RAB38: variants seen among roughly 807,000 people sequenced by gnomAD.
RAB38 encodes the protein ras-related protein Rab-38.
RAB38 carries 15 observed loss-of-function variants against 18.4 expected under a neutral mutation model. The ratio of observed to expected loss-of-function variants is 0.82; its 90% CI spans 0.55 to 1.26. RAB38 has a LOEUF of 1.26. Among genes scored for constraint, RAB38 ranks in the 50% most tolerant of loss-of-function variants. RAB38 has a pLI of 0.00. For missense variants in RAB38, 294 were observed against 267.4 expected, an observed-to-expected ratio of 1.10 and a Z score of -0.69; for synonymous variants, 101 against 104.4, an observed-to-expected ratio of 0.97 and a Z score of 0.20.
At chr11:88,155,623 A>T (rs190561269) in intron 1 of RAB38, among the ~76,000 whole-genome samples, 1 of 152,234 alleles carries the variant, frequency 6.6e-6, no homozygotes, top group Non-Finnish European at 1.5e-5. Context: ...TCCTGATACT[A>T]TGAAAAATAT....
intron 2 of RAB38, among the ~76,000 whole-genome samples, chr11:88,132,168 CATAAATGTGTG>C (rs1208447161): frequency 3.9e-5 from 6 of 152,184 alleles, no homozygotes; most frequent in Non-Finnish European, 7.3e-5. Flanking sequence ...ACTGTGAAAT[CATAAATGTGTG>C]TTATTCTAAG....
chr11:87,910,398 C>T, the RAB38 span, among the ~76,000 whole-genome samples: 1 of 149,606 alleles, frequency 6.7e-6, no homozygotes, highest in Non-Finnish European at 1.5e-5. Context: ...AATAGTTTTC[C>T]TAGTCTGCCT....
At chr11:88,165,290 T>G (rs939325145) in intron 1 of RAB38, among the ~76,000 whole-genome samples, 1 of 152,112 alleles carries the variant, frequency 6.6e-6, no homozygotes, top group Admixed American at 6.5e-5. Flanking sequence ...CCTGCTACTA[T>G]TGGTAAGACT....
the RAB38 span, among the ~76,000 whole-genome samples, chr11:87,950,016 T>C: frequency 6.6e-6 from 1 of 152,196 alleles, no homozygotes; most frequent in Non-Finnish European, 1.5e-5. Flanking sequence ...TATTAATGTG[T>C]GGGAGTCTAA....
At chr11:88,037,462 C>T in the RAB38 span, among the ~76,000 whole-genome samples, 3 of 151,660 alleles carry the variant, frequency 2.0e-5, no homozygotes, top group Non-Finnish European at 4.4e-5. Flanking sequence ...TAAAGTGTAC[C>T]CATTCTAAGT....
chr11:87,834,361 T>C, the RAB38 span, among the ~76,000 whole-genome samples: 1 of 152,198 alleles, frequency 6.6e-6, no homozygotes, highest in Admixed American at 6.5e-5. Flanking sequence ...GACTCTAAGC[T>C]GAGAACTAGC....
chr11:88,117,282 C>A (rs1006948229), intron 2 of RAB38, among the ~76,000 whole-genome samples: 1 of 152,158 alleles, frequency 6.6e-6, no homozygotes, highest in African/African-American at 2.4e-5. Context: ...ACTGAGCTTA[C>A]CTACTAGCAG....
At chr11:87,977,196 TATTATACAAGTAAATTATAAAATATA>T in the RAB38 span, among the ~76,000 whole-genome samples, 58 of 111,868 alleles carry the variant, frequency 5.2e-4, 12 homozygotes, top group African/African-American at 1.9e-3. Flanking sequence ...AATATAATTA[TATTATACAAGTAAATTATAAAATATA>T]ATTATATTAT....
At chr11:88,065,656 C>T in the RAB38 span, among the ~76,000 whole-genome samples, 3 of 152,274 alleles carry the variant, frequency 2.0e-5, no homozygotes, top group East Asian at 5.8e-4. Context: ...ATCAATTAAC[C>T]CAGCTAACAT....
the RAB38 span, among the ~76,000 whole-genome samples, chr11:88,103,335 C>T: frequency 1.3e-5 from 2 of 151,956 alleles, no homozygotes. Context: ...TAGTACATTT[C>T]CCAGTTTCTC....
At chr11:88,174,836 C>G (rs886390786) in intron 1 of RAB38, among the ~76,000 whole-genome samples, 4 of 152,232 alleles carry the variant, frequency 2.6e-5, no homozygotes, top group African/African-American at 9.6e-5. Context: ...TGACACTGGG[C>G]TGCGTCATTG....
At chr11:87,866,691 T>G in the RAB38 span, among the ~76,000 whole-genome samples, 2 of 151,762 alleles carry the variant, frequency 1.3e-5, no homozygotes, top group Non-Finnish European at 2.9e-5. Context: ...GTGGTGGAAC[T>G]TAAACTAATT....
the RAB38 span, among the ~76,000 whole-genome samples, chr11:87,814,862 T>TA: frequency 2.0e-5 from 3 of 151,838 alleles, no homozygotes; most frequent in African/African-American, 7.3e-5. Flanking sequence ...GCCTCCCGAG[T>TA]AGCTGGGACT....
At chr11:88,157,209 A>G (rs971008581) in intron 1 of RAB38, among the ~76,000 whole-genome samples, 2 of 152,238 alleles carry the variant, frequency 1.3e-5, no homozygotes, top group Non-Finnish European at 2.9e-5. Flanking sequence ...CGTCAGATAA[A>G]TCACACTTTA....
At chr11:87,977,406 T>C in the RAB38 span, among the ~76,000 whole-genome samples, 1 of 109,128 alleles carries the variant, frequency 9.2e-6, no homozygotes, top group Admixed American at 1.2e-4. Flanking sequence ...TATAATTATA[T>C]TATAAAATAT....
chr11:88,152,419 G>A (rs1459237481), intron 1 of RAB38, among the ~76,000 whole-genome samples: 3 of 151,986 alleles, frequency 2.0e-5, no homozygotes, highest in African/African-American at 2.4e-5. Context: ...AGGAAAATAT[G>A]TGTGTGTGTG....
At chr11:88,132,674 G>A (rs1422977319) in intron 2 of RAB38, among the ~76,000 whole-genome samples, 1 of 151,880 alleles carries the variant, frequency 6.6e-6, no homozygotes, top group Non-Finnish European at 1.5e-5. Context: ...GGTCAGACTG[G>A]TCTTCAACTC....
the RAB38 span, among the ~76,000 whole-genome samples, chr11:87,809,743 A>G: frequency 6.6e-6 from 1 of 152,124 alleles, no homozygotes; most frequent in Non-Finnish European, 1.5e-5. Flanking sequence ...AGCTAGTTTT[A>G]TTTTTCTGTC....
the RAB38 span, among the ~76,000 whole-genome samples, chr11:88,075,822 A>T: frequency 0.64 from 96,083 of 151,014 alleles, 30,975 homozygotes; most frequent in African/African-American, 0.72. Flanking sequence ...CGGAGGTTGC[A>T]GTGAGCCAAG....
Sources: allele counts gnomAD v4.1 joint callset (sites outside exome capture counted in the v4.1 genomes callset), GRCh38; gene constraint gnomAD v4.1.1; transcripts MANE v1.5; gene names NCBI Gene and HGNC (gene_info 2026-07-23, HGNC 2026-07-21).